Variants in ERC2 observed in about 807,000 individuals in gnomAD.
ERC2 encodes the protein ERC protein 2.
In ERC2, 42 loss-of-function variants were observed where a neutral mutation model predicts 114.8. The ratio of observed to expected loss-of-function variants is 0.37; its 90% CI spans 0.29 to 0.47. The LOEUF (loss-of-function observed/expected upper bound fraction) is 0.47, where lower values mean the gene tolerates loss of function less well. ERC2 is among the 20% of genes least tolerant of loss of function. The probability of loss-of-function intolerance (pLI) is 0.99; values close to 1 mark genes in which losing one functional copy is unlikely to be tolerated. For missense variants in ERC2, 939 were observed against 1,150.7 expected (o/e 0.82, Z 2.66); for synonymous variants, 454 against 425.5 (o/e 1.07, Z -0.82).
chr3:56,379,454 C>T (rs1265500474), intron 2 of ERC2, among the ~76,000 whole-genome samples: 1 of 152,132 alleles, frequency 6.6e-6, no homozygotes, highest in African/African-American at 2.4e-5. Context: ...ACATAGCTCA[C>T]TCCATTTAAT....
intron 2 of ERC2, among the ~76,000 whole-genome samples, chr3:56,410,604 G>T (rs1433361449): frequency 1.3e-5 from 2 of 152,080 alleles, no homozygotes; most frequent in Non-Finnish European, 2.9e-5. Flanking sequence ...GAGTTTTCTG[G>T]GGGGGTTGTT....
chr3:55,842,303 T>A (rs59675024), intron 14 of ERC2, among the ~76,000 whole-genome samples: 1 of 152,060 alleles, frequency 6.6e-6, no homozygotes, highest in African/African-American at 2.4e-5. Flanking sequence ...TAGACAACCA[T>A]GAGTGGCTCA....
intron 8 of ERC2, among the ~76,000 whole-genome samples, chr3:56,012,415 T>C (rs2073017207): frequency 6.6e-6 from 1 of 152,144 alleles, no homozygotes; most frequent in South Asian, 2.1e-4. Context: ...TTTCACTGCA[T>C]GATCATCCTC....
intron 2 of ERC2, among the ~76,000 whole-genome samples, chr3:56,422,262 G>A (rs950010912): frequency 2.0e-5 from 3 of 152,180 alleles, no homozygotes; most frequent in African/African-American, 7.2e-5. Context: ...GAGCTGCCCT[G>A]TCCCTGAAAC....
rs149098001 is a variant in ERC2 at position 56,139,430 on chromosome 3, T to C, written c.1473+79A>G. Reference sequence around the variant, plus strand: ...CCCAAGGGTTAGGATAAAGGGTCTTTGGAGGAAAGTTGTTCAGGTAGGGCA... The same window carrying C: ...CCCAAGGGTTAGGATAAAGGGTCTTCGGAGGAAAGTTGTTCAGGTAGGGCA... On this transcript the variant is annotated intron_variant, in intron 6 of 17. Transcript: ENST00000288221. The C allele has an allele frequency of 1.3e-4, 188 of 1,422,008 alleles. No homozygotes were observed. In the African/African-American group the frequency reaches 2.2e-3, roughly 17 times the overall value. 88.1% of individuals were successfully genotyped at this position (1,422,008 alleles called of 1,614,324 possible).
chr3:56,285,095 TC>T (rs533443690), intron 3 of ERC2, among the ~76,000 whole-genome samples: 1 of 127,492 alleles, frequency 7.8e-6, no homozygotes, highest in African/African-American at 3.1e-5. Context: ...AGGCTCAAGC[TC>T]CCCCCCATCC....
At chr3:55,610,023 TC>T (rs2058821011) in intron 17 of ERC2, among the ~76,000 whole-genome samples, 1 of 127,000 alleles carries the variant, frequency 7.9e-6, no homozygotes, top group Non-Finnish European at 1.6e-5. Context: ...TTTCTCTTTA[TC>T]CCAGGACTTG....
intron 14 of ERC2, among the ~76,000 whole-genome samples, chr3:55,867,293 C>A (rs35476022): frequency 1.3e-5 from 2 of 152,120 alleles, no homozygotes; most frequent in Non-Finnish European, 2.9e-5. Context: ...GACTTTCCCA[C>A]CCACCACACC....
intron 17 of ERC2, among the ~76,000 whole-genome samples, chr3:55,569,269 C>T (rs938042207): frequency 6.6e-6 from 1 of 152,042 alleles, no homozygotes; most frequent in Non-Finnish European, 1.5e-5. Context: ...CCGCATTTGG[C>T]GGCAAGAAAG....
intron 2 of ERC2, among the ~76,000 whole-genome samples, chr3:56,312,954 A>T (rs1162888000): frequency 7.1e-6 from 1 of 141,258 alleles, no homozygotes; most frequent in Non-Finnish European, 1.5e-5. Flanking sequence ...CTACTGCTAT[A>T]TCCACACAAT....
chr3:56,020,897 T>C (rs6805331), intron 7 of ERC2, among the ~76,000 whole-genome samples: 25,708 of 152,014 alleles, frequency 0.17, 2,322 homozygotes, highest in African/African-American at 0.21. Flanking sequence ...CTCATATAAC[T>C]GGAAAGACTA....
rs563103580 is a variant in ERC2 at position 55,681,370 on chromosome 3, T to A, written c.*39+2424A>T. 6.6e-5 allele frequency among the ~76,000 whole-genome samples: 10 copies of A among 152,340 alleles called. No homozygotes were observed. The South Asian group carries it at 2.1e-3, about 32-fold the overall frequency. ...AGCATATTACTGATGTCTAGTAAAA[T>A]AACATCTTGTGATGTTTCTTTTATA... On this transcript the variant is annotated intron_variant, in intron 17 of 17. Transcript: ENST00000288221.
In ERC2 at chr3:56,397,600, C is replaced by T. The variant is rs1377065048; in HGVS notation, c.657+36751G>A. ...CCTTATTATTTTCTTAAATGCTTTC[C>T]AATGTTGCATCTTATGGATACACCA... On this transcript the variant is annotated intron_variant, in intron 2 of 17. Transcript: ENST00000288221. Among the ~76,000 whole-genome samples, 4 of 152,130 alleles carry T rather than the reference C, an allele frequency of 2.6e-5. No homozygotes were observed. The East Asian group carries it at 7.7e-4, about 29-fold the overall frequency.
chr3:55,960,386 T>C (rs1157708020), intron 12 of ERC2, among the ~76,000 whole-genome samples: 1 of 152,116 alleles, frequency 6.6e-6, no homozygotes, highest in Non-Finnish European at 1.5e-5. Flanking sequence ...ATTTTCCCTG[T>C]CTGGGATTCC....
intron 3 of ERC2, among the ~76,000 whole-genome samples, chr3:56,215,555 C>T (rs1305028075): frequency 6.6e-6 from 1 of 152,134 alleles, no homozygotes; most frequent in Non-Finnish European, 1.5e-5. Flanking sequence ...GAGAGTTTGA[C>T]ACCCCACTGT....
chr3:56,196,943 T>C (rs893858808), intron 3 of ERC2, among the ~76,000 whole-genome samples: 2 of 152,110 alleles, frequency 1.3e-5, no homozygotes, highest in Admixed American at 6.6e-5. Flanking sequence ...CTCTGAAGCC[T>C]TCAGAGTCAT....
chr3:55,945,163 CTCA>C (rs2067047345), intron 13 of ERC2, among the ~76,000 whole-genome samples: 1 of 152,210 alleles, frequency 6.6e-6, no homozygotes. Context: ...GATGACCTTT[CTCA>C]TCTTTTCCAT....
chr3:56,034,701 G>A (rs1309001673), intron 7 of ERC2, among the ~76,000 whole-genome samples: 1 of 152,062 alleles, frequency 6.6e-6, no homozygotes, highest in African/African-American at 2.4e-5. Context: ...TCACAAATAT[G>A]TGGAAATTAC....
chr3:55,807,410 T>A (rs1389720841), intron 14 of ERC2, among the ~76,000 whole-genome samples: 3 of 152,184 alleles, frequency 2.0e-5, no homozygotes, highest in Admixed American at 6.5e-5. Context: ...AATAGGGAAG[T>A]GGCCCAGACC....
Sources: allele counts gnomAD v4.1 joint callset (sites outside exome capture counted in the v4.1 genomes callset), GRCh38; gene constraint gnomAD v4.1.1; transcripts MANE v1.5; gene names NCBI Gene and HGNC (gene_info 2026-07-23, HGNC 2026-07-21).